Variants in ADAM9 observed in about 807,000 individuals in gnomAD.
ADAM9 encodes disintegrin and metalloproteinase domain-containing protein 9.
In ADAM9, 54 loss-of-function variants were observed where a neutral mutation model predicts 108.1. That is an observed-to-expected ratio of 0.50 (90% CI 0.40 to 0.63). The LOEUF (loss-of-function observed/expected upper bound fraction) is 0.63, where lower values mean the gene tolerates loss of function less well. Among genes scored for constraint, ADAM9 ranks in the 20% least tolerant of loss-of-function variants. ADAM9 has a pLI of 0.00. For synonymous variants in ADAM9, 316 were observed against 336.0 expected, an observed-to-expected ratio of 0.94 and a Z score of 0.65; for missense variants, 830 against 997.7, an observed-to-expected ratio of 0.83 and a Z score of 2.26.
chr8:39,082,543 T>G (rs748208998), intron 16 of ADAM9, 98 bp from the exon 17 acceptor site: 1 of 852,604 alleles, frequency 1.2e-6, no homozygotes, highest in African/African-American at 1.7e-5. Flanking sequence ...TTGAAAGAAT[T>G]CTGCAATGAA....
Position 39,104,709 on chromosome 8 carries a change from AATT to A in ADAM9, c.*1011_*1013del. ...TATTAGACACTAATATTTTCATAGAAATTAGGCTGGAGAAAGAAGGAAGAAATG... is the reference window on the plus strand; with the variant it reads ...TATTAGACACTAATATTTTCATAGAAAGGCTGGAGAAAGAAGGAAGAAATG... On this transcript the variant is annotated 3_prime_UTR_variant, in exon 22 of 22. Transcript: ENST00000487273. 6.6e-6 allele frequency: 3 copies of A among 453,902 alleles called. No homozygotes were observed. The highest frequency in any genetic ancestry group is 8.8e-6 in the Non-Finnish European group (2 of 226,654). The allele number at this position is 453,902 out of a possible 1,614,324, so 28.1% of individuals were successfully genotyped here.
Position 39,022,473 on chromosome 8 carries a change from C to T in ADAM9, c.745-683C>T, listed in dbSNP as rs548631027. ...CTTCGACAGGATCTTGGGGTAGCAC[C>T]TCATAATCAGACTCATTGATATTTC... On this transcript the variant is annotated intron_variant, in intron 8 of 21. Transcript: ENST00000487273. Among the ~76,000 whole-genome samples, 56 of 152,138 alleles carry T rather than the reference C, an allele frequency of 3.7e-4. 1 individual carries two copies. Among genetic ancestry groups the T allele is most frequent in the South Asian group, 2.3e-3 (11 of 4,812 alleles).
chr8:39,027,903 TA>T (rs200492078), intron 11 of ADAM9, among the ~76,000 whole-genome samples: 2 of 150,398 alleles, frequency 1.3e-5, no homozygotes, highest in African/African-American at 2.4e-5. Flanking sequence ...ACCCTGTCTC[TA>T]AAAAAAAATA....
chr8:39,047,364 TTTAGAATGA>T (rs1370441491), intron 12 of ADAM9, among the ~76,000 whole-genome samples: 1 of 152,198 alleles, frequency 6.6e-6, no homozygotes, highest in Non-Finnish European at 1.5e-5. Context: ...TGGGTGAATT[TTTAGAATGA>T]TTGGCATTAG....
chr8:39,056,614 T>G (rs1427592063), intron 14 of ADAM9, among the ~76,000 whole-genome samples: 1 of 152,208 alleles, frequency 6.6e-6, no homozygotes, highest in African/African-American at 2.4e-5. Context: ...CTAAACTGTA[T>G]AGTAAGTTAT....
rs1310342246 is a variant in ADAM9, at chr8:39,027,725, CTG to C, written c.1130+917_1130+918del. ...GTCCTAAGCAGAGAGCTGAATGTAA[CTG>C]TAGTTCGTACGTGTGTAGATGTTGA... On this transcript the variant is annotated intron_variant, in intron 11 of 21. Transcript: ENST00000487273. 1.7e-4 allele frequency among the ~76,000 whole-genome samples: 26 copies of C among 152,190 alleles called. 1 individual carries two copies. Among genetic ancestry groups the C allele is most frequent in the Middle Eastern group, 6.8e-3 (2 of 294 alleles).
intron 16 of ADAM9, among the ~76,000 whole-genome samples, chr8:39,081,953 T>C (rs1839037249): frequency 6.6e-6 from 1 of 152,190 alleles, no homozygotes; most frequent in African/African-American, 2.4e-5. Context: ...TGTGTTGAGC[T>C]GATTTCTTTA....
Position 39,011,652 on chromosome 8 carries a change from A to T in ADAM9, c.196-6A>T, listed in dbSNP as rs748992321. The T allele has an allele frequency of 2.1e-5, 33 of 1,607,372 alleles. 1 individual carries two copies. In the South Asian group the frequency reaches 3.2e-4, roughly 16 times the overall value. On this transcript the variant is annotated splice_region_variant and splice_polypyrimidine_tract_variant and intron_variant, in intron 2 of 21. Transcript: ENST00000487273. ...GTTTTATTCTTTTCCCCTTCTGTGC[A>T]TTTAGGTATCTTATGTTATTCAGGC...
intron 12 of ADAM9, among the ~76,000 whole-genome samples, chr8:39,053,195 A>T (rs1838013017): frequency 6.6e-6 from 1 of 151,992 alleles, no homozygotes; most frequent in Non-Finnish European, 1.5e-5. Flanking sequence ...CTTATTGTTG[A>T]GTTTTGAGAA....
chr8:39,072,007 A>G lies in ADAM9; in HGVS notation c.1697+604A>G, dbSNP rs1373055514. Among the ~76,000 whole-genome samples, 8 of 152,320 alleles carry G rather than the reference A, an allele frequency of 5.3e-5. No homozygotes were observed. The East Asian group carries it at 1.2e-3, about 22-fold the overall frequency. ...AAACACCATTTTCATTTTCCTTTCC[A>G]TAAAAGATTATGTTACTAAGTCCCT... On this transcript the variant is annotated intron_variant, in intron 15 of 21. Coordinates refer to ENST00000487273, the MANE Select transcript of ADAM9 (RefSeq NM_003816.3).
At chr8:39,016,064 A>G in intron 4 of ADAM9, 54 bp from the exon 5 acceptor site, 1 of 1,521,556 alleles carries the variant, frequency 6.6e-7, no homozygotes, top group Non-Finnish European at 9.1e-7. Flanking sequence ...AATTTCTGTG[A>G]TGATTTTCAG....
At chr8:39,063,121 C>T (rs190624774) in intron 14 of ADAM9, among the ~76,000 whole-genome samples, 53 of 152,342 alleles carry the variant, frequency 3.5e-4, no homozygotes, top group Non-Finnish European at 6.5e-4. Flanking sequence ...CATTATCTCA[C>T]GCCCTTAATA....
intron 1 of ADAM9, among the ~76,000 whole-genome samples, chr8:39,002,862 T>A (rs187672924): frequency 1.2e-4 from 18 of 151,902 alleles, no homozygotes; most frequent in African/African-American, 3.1e-4. Flanking sequence ...TTAGACGGAG[T>A]CTCCCTCGGA....
chr8:39,053,310 CT>C (rs1838016390), intron 12 of ADAM9, among the ~76,000 whole-genome samples: 1 of 152,046 alleles, frequency 6.6e-6, no homozygotes, highest in Non-Finnish European at 1.5e-5. Flanking sequence ...AAGAGCAGAA[CT>C]TTTTCATGTT....
intron 14 of ADAM9, among the ~76,000 whole-genome samples, chr8:39,064,165 G>C (rs1030243689): frequency 7.2e-5 from 11 of 152,126 alleles, no homozygotes; most frequent in African/African-American, 2.4e-4. Flanking sequence ...GTCTGATTAG[G>C]AGTCTCTAGT....
chr8:39,001,989 G>A (rs1836007155), intron 1 of ADAM9, among the ~76,000 whole-genome samples: 2 of 147,290 alleles, frequency 1.4e-5, no homozygotes, highest in South Asian at 4.2e-4. Context: ...ATTAATATAC[G>A]GTATGTATTT....
chr8:39,037,050 C>CTT (rs58876607), intron 11 of ADAM9, among the ~76,000 whole-genome samples: 1,403 of 78,636 alleles, frequency 0.018, 3 homozygotes, highest in African/African-American at 0.021. Flanking sequence ...TGCGCAAGTT[C>CTT]TTTTTTTTTT....
chr8:39,029,169 C>T (rs1225280882), intron 11 of ADAM9, among the ~76,000 whole-genome samples: 3 of 131,682 alleles, frequency 2.3e-5, no homozygotes, highest in East Asian at 2.4e-4. Context: ...TGTGTATAAA[C>T]TTGCTAGGGA....
intron 20 of ADAM9, among the ~76,000 whole-genome samples, chr8:39,100,497 A>G (rs1486510793): frequency 6.6e-6 from 1 of 151,918 alleles, no homozygotes; most frequent in Non-Finnish European, 1.5e-5. Flanking sequence ...CGTCTCAAAA[A>G]AAAAAAAAAA....
Sources: gnomAD v4.1 joint callset for allele counts (sites outside exome capture counted in the v4.1 genomes callset) on GRCh38, gnomAD v4.1.1 for gene constraint, MANE v1.5 for transcripts, NCBI Gene and HGNC (gene_info 2026-07-23, HGNC 2026-07-21) for gene names.